Variants in ROPN1L observed in about 807,000 individuals in gnomAD.
ROPN1L encodes the protein ropporin-1-like protein.
A neutral mutation model predicts 22.7 loss-of-function variants in ROPN1L; 23 were observed. That is an observed-to-expected ratio of 1.01 (90% CI 0.73 to 1.43). ROPN1L has a LOEUF of 1.43. Among genes scored for constraint, ROPN1L ranks in the 40% most tolerant of loss-of-function variants. The probability of loss-of-function intolerance (pLI) is 0.00; values close to 1 mark genes in which losing one functional copy is unlikely to be tolerated. For synonymous variants in ROPN1L, 116 were observed against 117.8 expected, an observed-to-expected ratio of 0.98 and a Z score of 0.10; for missense variants, 271 against 291.5, an observed-to-expected ratio of 0.93 and a Z score of 0.51.
At chr5:10,450,922 C>T (rs77442209) in intron 3 of ROPN1L, among the ~76,000 whole-genome samples, 2,156 of 152,222 alleles carry the variant, frequency 0.014, 44 homozygotes, top group African/African-American at 0.049. Flanking sequence ...CCTGGGAGGT[C>T]GGGGCGAGAA....
At chr5:10,461,135 G>A in intron 3 of ROPN1L, 49 bp from the exon 4 acceptor site, 1 of 1,534,766 alleles carries the variant, frequency 6.5e-7, no homozygotes, top group Non-Finnish European at 8.9e-7. Context: ...CAATGTGAGT[G>A]ATGCCAGGAG....
intron 3 of ROPN1L, among the ~76,000 whole-genome samples, chr5:10,454,956 A>G (rs1237171522): frequency 1.3e-5 from 2 of 152,210 alleles, no homozygotes; most frequent in Non-Finnish European, 2.9e-5. Flanking sequence ...TGTGCAGCCC[A>G]CAGGTTAGGA....
downstream of ROPN1L, among the ~76,000 whole-genome samples, chr5:10,465,471 C>A (rs1406723727): frequency 6.6e-6 from 1 of 150,870 alleles, no homozygotes; most frequent in East Asian, 2.0e-4. Context: ...GCCGAGATCG[C>A]GCCACTGCAC....
chr5:10,442,669 T>C (rs1258561839), intron 1 of ROPN1L, among the ~76,000 whole-genome samples: 1 of 152,248 alleles, frequency 6.6e-6, no homozygotes, highest in Non-Finnish European at 1.5e-5. Flanking sequence ...GTGAAATGAC[T>C]TTACAAAGAG....
chr5:10,442,153 C>T lies in ROPN1L; in HGVS notation c.-15C>T, dbSNP rs749738041. ...GCGCCGCGATTCACCAGCCTGGTCC[C>T]TTCTGCGGAGAGCGATGCCGCTTCC... On this transcript the variant is annotated 5_prime_UTR_variant, in exon 1 of 5. Transcript: ENST00000274134. 15 of 1,612,758 alleles carry T rather than the reference C, an allele frequency of 9.3e-6. No individual in the cohort carries two copies. Among genetic ancestry groups the T allele is most frequent in the Non-Finnish European group, 1.1e-5 (13 of 1,179,208 alleles).
At chr5:10,468,781 G>A (rs139471367), downstream of ROPN1L, among the ~76,000 whole-genome samples, 2 of 152,298 alleles carry the variant, frequency 1.3e-5, no homozygotes, top group African/African-American at 4.8e-5. Flanking sequence ...TGGGAGATTT[G>A]CTATCACGTG....
At chr5:10,465,282 G>A (rs939888826), downstream of ROPN1L, among the ~76,000 whole-genome samples, 5 of 151,958 alleles carry the variant, frequency 3.3e-5, no homozygotes, top group Admixed American at 6.5e-5. Context: ...TTGAGAGGCC[G>A]AGGCGGGTGG....
At chr5:10,473,640 C>T (rs1735280717), downstream of ROPN1L, among the ~76,000 whole-genome samples, 1 of 152,210 alleles carries the variant, frequency 6.6e-6, no homozygotes, top group Non-Finnish European at 1.5e-5. Flanking sequence ...TACCTCTTTT[C>T]TTGCAAACCA....
At chr5:10,444,108 C>A (rs1471500765) in intron 1 of ROPN1L, among the ~76,000 whole-genome samples, 1 of 152,184 alleles carries the variant, frequency 6.6e-6, no homozygotes, top group African/African-American at 2.4e-5. Flanking sequence ...CTGAAAGACT[C>A]TTTCAAAGTT....
At chr5:10,474,588 C>A (rs1396660958), downstream of ROPN1L, among the ~76,000 whole-genome samples, 1 of 152,262 alleles carries the variant, frequency 6.6e-6, no homozygotes, top group Non-Finnish European at 1.5e-5. Context: ...TGGAAGCGAA[C>A]CTAGAGCCTC....
chr5:10,468,473 GT>G (rs1735190641), downstream of ROPN1L, among the ~76,000 whole-genome samples: 1 of 152,184 alleles, frequency 6.6e-6, no homozygotes, highest in African/African-American at 2.4e-5. Flanking sequence ...AATCATCTAT[GT>G]TCCCCTTCAT....
chr5:10,442,560 T>G (rs1740922403), intron 1 of ROPN1L, among the ~76,000 whole-genome samples: 1 of 152,258 alleles, frequency 6.6e-6, no homozygotes, highest in Non-Finnish European at 1.5e-5. Flanking sequence ...TGTTTAAAAG[T>G]GTTTATGATG....
chr5:10,450,206 T>A (rs963754158), intron 3 of ROPN1L, 93 bp downstream of exon 3: 1 of 1,037,544 alleles, frequency 9.6e-7, no homozygotes, highest in Non-Finnish European at 1.4e-6. Context: ...GGAAACACTT[T>A]AGTAACTTTG....
rs370811338 is a variant in ROPN1L at position 10,459,953 on chromosome 5, G to C, written c.418-1231G>C. ...CCATGTGTGTGTGTTGGCGAGGGGG[G>C]TTACGTTTAAGCAGCCACCTGTGTG... is the stretch of plus-strand genomic sequence containing the variant. On this transcript the variant is annotated intron_variant, in intron 3 of 4. Transcript: ENST00000274134. Among the ~76,000 whole-genome samples, 25 of 152,324 alleles carry C rather than the reference G, an allele frequency of 1.6e-4. No homozygotes were observed. In the East Asian group the frequency reaches 2.1e-3, roughly 13 times the overall value.
chr5:10,453,412 T>G (rs1741314388), intron 3 of ROPN1L, among the ~76,000 whole-genome samples: 1 of 152,094 alleles, frequency 6.6e-6, no homozygotes, highest in African/African-American at 2.4e-5. Context: ...CCTGGGTGGC[T>G]TGGAGGTGTG....
chr5:10,458,309 C>G (rs1308804852), intron 3 of ROPN1L, among the ~76,000 whole-genome samples: 3 of 151,926 alleles, frequency 2.0e-5, no homozygotes, highest in Non-Finnish European at 4.4e-5. Flanking sequence ...ATGCTGGTCC[C>G]TCATCTCCCC....
chr5:10,456,565 C>T (rs1474544858), intron 3 of ROPN1L, among the ~76,000 whole-genome samples: 1 of 152,230 alleles, frequency 6.6e-6, no homozygotes, highest in East Asian at 1.9e-4. Context: ...GAGAATAAAT[C>T]AGCCACACAG....
chr5:10,451,133 T>A (rs1033397590), intron 3 of ROPN1L, among the ~76,000 whole-genome samples: 8 of 152,232 alleles, frequency 5.3e-5, no homozygotes, highest in Non-Finnish European at 1.0e-4. Context: ...ACAATTTGAT[T>A]TTCCCCCCTC....
the ROPN1L span, among the ~76,000 whole-genome samples, chr5:10,480,238 A>G: frequency 6.6e-6 from 1 of 152,222 alleles, no homozygotes; most frequent in African/African-American, 2.4e-5. Flanking sequence ...AAATACACAA[A>G]TATAGACTGA....
Sources: allele counts gnomAD v4.1 joint callset (sites outside exome capture counted in the v4.1 genomes callset), GRCh38; gene constraint gnomAD v4.1.1; transcripts MANE v1.5; gene names NCBI Gene and HGNC (gene_info 2026-07-23, HGNC 2026-07-21).